WDR33: variants seen among roughly 807,000 people sequenced by gnomAD.
WDR33 encodes pre-mRNA 3' end processing protein WDR33.
In WDR33, 47 loss-of-function variants were observed where a neutral mutation model predicts 164.9. That is an observed-to-expected ratio of 0.29 (90% CI 0.23 to 0.36). The LOEUF (loss-of-function observed/expected upper bound fraction) is 0.36, where lower values mean the gene tolerates loss of function less well. Ranked by LOEUF, WDR33 falls within the 10% of genes least tolerant of loss-of-function variation. The pLI is 1.00. For missense variants in WDR33, 1,137 were observed against 1,754.1 expected, an observed-to-expected ratio of 0.65 and a Z score of 6.28; for synonymous variants, 505 against 589.0, an observed-to-expected ratio of 0.86 and a Z score of 2.06.
intron 1 of WDR33, among the ~76,000 whole-genome samples, chr2:127,798,259 CA>C (rs759154897): frequency 8.2e-5 from 12 of 147,170 alleles, no homozygotes; most frequent in South Asian, 4.3e-4. Flanking sequence ...TCCCAGCTAC[CA>C]GGGGGGCTGA....
intron 1 of WDR33, among the ~76,000 whole-genome samples, chr2:127,788,493 C>T (rs1688698752): frequency 7.5e-6 from 1 of 132,884 alleles, no homozygotes; most frequent in East Asian, 2.4e-4. Flanking sequence ...CACCTCCCTC[C>T]CGGACGGGGC....
chr2:127,752,701 C>T (rs532705144), intron 7 of WDR33, among the ~76,000 whole-genome samples: 1 of 151,880 alleles, frequency 6.6e-6, no homozygotes, highest in South Asian at 2.1e-4. Context: ...AACAGCATTC[C>T]TGGTTGATAT....
intron 7 of WDR33, among the ~76,000 whole-genome samples, chr2:127,733,406 T>C (rs1430182999): frequency 6.6e-6 from 1 of 152,194 alleles, no homozygotes; most frequent in South Asian, 2.1e-4. Context: ...CAGTACGACT[T>C]GGACTTGGAG....
rs371228167 is a variant in WDR33, at chr2:127,788,503, C to G, written c.-23-17499G>C. Among the ~76,000 whole-genome samples, 10 of 120,928 alleles carry G rather than the reference C, an allele frequency of 8.3e-5. No individual in the cohort carries two copies. The East Asian group carries it at 1.7e-3, about 20-fold the overall frequency. The allele number at this position is 120,928 out of a possible 152,430, so 79.3% of individuals were successfully genotyped here. On this transcript the variant is annotated intron_variant, in intron 1 of 21. Coordinates refer to ENST00000322313, the MANE Select transcript of WDR33 (RefSeq NM_018383.5). ...ACCCCCACCTCCCTCCCGGACGGGGCGGCTGGCCGGGTGGGGGGGCTGACC... is the reference window on the plus strand; with the variant it reads ...ACCCCCACCTCCCTCCCGGACGGGGGGGCTGGCCGGGTGGGGGGGCTGACC...
chr2:127,771,086 A>C, intron 1 of WDR33, 82 bp from the exon 2 acceptor site: 1 of 1,069,290 alleles, frequency 9.4e-7, no homozygotes, highest in East Asian at 2.5e-5. Context: ...AACACTTTTT[A>C]CATTTCTTTT....
chr2:127,737,719 G>T, intron 7 of WDR33: 1 of 1,145,780 alleles, frequency 8.7e-7, no homozygotes, highest in Non-Finnish European at 1.1e-6. Context: ...TGTTTCAAAT[G>T]ATTCTTCTGG....
intron 1 of WDR33, among the ~76,000 whole-genome samples, chr2:127,806,363 ACAC>A (rs1225545091): frequency 6.6e-6 from 1 of 151,864 alleles, no homozygotes; most frequent in Non-Finnish European, 1.5e-5. Flanking sequence ...ATGCGCAACC[ACAC>A]CCGGCTAATT....
At chr2:127,783,945 A>C (rs573087334) in intron 1 of WDR33, among the ~76,000 whole-genome samples, 146 of 151,808 alleles carry the variant, frequency 9.6e-4, no homozygotes, top group African/African-American at 2.8e-3. Context: ...GATTCCCCAA[A>C]ATTTTTGTTT....
intron 7 of WDR33, chr2:127,762,564 C>A: frequency 5.3e-5 from 52 of 981,286 alleles, no homozygotes; most frequent in Non-Finnish European, 5.9e-5. Flanking sequence ...GCAATGCCAC[C>A]CGAACTTAGT....
Position 127,722,548 on chromosome 2 carries a change from C to G in WDR33, c.1518+43G>C. 1.9e-6 allele frequency: 3 copies of G among 1,596,870 alleles called. No individual in the cohort carries two copies. The highest frequency in any genetic ancestry group is 2.6e-6 in the Non-Finnish European group (3 of 1,173,120). ...CAAGAGAAACCTCAAACTAACCAAC[C>G]AAAACCTCTCTGCGTGGATGAGGTG... is the stretch of plus-strand genomic sequence containing the variant. On this transcript the variant is annotated intron_variant, in intron 14 of 21. Transcript: ENST00000322313. The surrounding 1 kb of genome is among the most constrained non-coding windows in gnomAD (Gnocchi z 5.1).
chr2:127,760,120 T>C (rs1687634262), intron 7 of WDR33, among the ~76,000 whole-genome samples: 1 of 152,210 alleles, frequency 6.6e-6, no homozygotes, highest in Non-Finnish European at 1.5e-5. Context: ...TAGAGCTATT[T>C]AAGGAATTCA....
chr2:127,776,432 G>T (rs369788566), intron 1 of WDR33, among the ~76,000 whole-genome samples: 2 of 152,206 alleles, frequency 1.3e-5, no homozygotes, highest in Admixed American at 6.5e-5. Flanking sequence ...TTCAACAGAG[G>T]TTGACAGAAA....
intron 21 of WDR33, among the ~76,000 whole-genome samples, chr2:127,707,886 C>T (rs1030067033): frequency 2.0e-5 from 3 of 152,060 alleles, no homozygotes; most frequent in African/African-American, 7.2e-5. Context: ...ACCTGGGAGG[C>T]GGGGGTTGCT....
chr2:127,735,544 GCAAA>G lies in WDR33; in HGVS notation c.725-8771_725-8768del, dbSNP rs1300354904. On this transcript the variant is annotated intron_variant, in intron 7 of 21. Coordinates refer to ENST00000322313, the MANE Select transcript of WDR33 (RefSeq NM_018383.5). The surrounding 1 kb of genome is among the most constrained non-coding windows in gnomAD (Gnocchi z 4.3). ...ATTTTCTAATACAGGAAGAAAAAAG[GCAAA>G]CAAAGAATTCAAGTACCATCTTGTA... 6 of 985,466 alleles carry G rather than the reference GCAAA, an allele frequency of 6.1e-6. No homozygotes were observed. In the African/African-American group the frequency reaches 1.0e-4, roughly 17 times the overall value. 61.0% of individuals were successfully genotyped at this position (985,466 alleles called of 1,614,324 possible).
rs771751750 is a variant in WDR33 at position 127,706,284 on chromosome 2, T to C, written c.*39A>G. The C allele has an allele frequency of 2.7e-6, 4 of 1,483,106 alleles. No homozygotes were observed. Among genetic ancestry groups the C allele is most frequent in the East Asian group, 4.8e-5 (2 of 41,428 alleles). The allele number at this position is 1,483,106 out of a possible 1,614,324, so 91.9% of individuals were successfully genotyped here. ...GGTGAGTCCACAAGAAGTTCTTACA[T>C]ACTGTCCAGAGAGGCCTCAGGGTAC... On this transcript the variant is annotated 3_prime_UTR_variant, in exon 22 of 22. Coordinates refer to ENST00000322313, the MANE Select transcript of WDR33 (RefSeq NM_018383.5). This position sits in a 1 kb window ranked among gnomAD's most constrained non-coding sequence, Gnocchi z 5.1.
Position 127,705,954 on chromosome 2 carries a change from AC to A in WDR33, c.*368del, listed in dbSNP as rs768532325. 213 of 212,572 alleles carry A rather than the reference AC, an allele frequency of 1.0e-3. 2 individuals carry two copies. The highest frequency in any genetic ancestry group is 3.6e-4 in the Non-Finnish European group (39 of 108,540). 13.2% of individuals were successfully genotyped at this position (212,572 alleles called of 1,614,324 possible). ...TGCGTAAATCACATTCTGTATTCAT[AC>A]AAAAACTTTGTTTTTCTCTGACAAA... On this transcript the variant is annotated 3_prime_UTR_variant, in exon 22 of 22. Coordinates refer to ENST00000322313, the MANE Select transcript of WDR33 (RefSeq NM_018383.5). This position sits in a 1 kb window ranked among gnomAD's most constrained non-coding sequence, Gnocchi z 4.5.
At position 127,725,756 on chromosome 2, in the gene WDR33, T is replaced by C. The variant is rs999710153; in HGVS notation, c.852-541A>G. Among the ~76,000 whole-genome samples the C allele has an allele frequency of 7.4e-4, 110 of 148,102 alleles. 1 individual carries two copies. The highest frequency in any genetic ancestry group is 2.6e-3 in the African/African-American group (105 of 40,688). ...CTCAAAATAATAATAATAATAATAA[T>C]AATAATAATAATAATAATAATAATA... On this transcript the variant is annotated intron_variant, in intron 8 of 21. Transcript: ENST00000322313.
At chr2:127,759,462 G>C (rs1687615159) in intron 7 of WDR33, among the ~76,000 whole-genome samples, 1 of 151,650 alleles carries the variant, frequency 6.6e-6, no homozygotes, top group African/African-American at 2.4e-5. Flanking sequence ...AGGCCGAGGA[G>C]CATGGATCAC....
chr2:127,750,187 G>A (rs1276622980), intron 7 of WDR33, among the ~76,000 whole-genome samples: 1 of 152,004 alleles, frequency 6.6e-6, no homozygotes, highest in Non-Finnish European at 1.5e-5. Flanking sequence ...ACCACACCCA[G>A]TTAACTTTTT....
Sources: allele counts gnomAD v4.1 joint callset (sites outside exome capture counted in the v4.1 genomes callset), GRCh38; gene constraint gnomAD v4.1.1; non-coding constraint Gnocchi (gnomAD v3.1); transcripts MANE v1.5; gene names NCBI Gene and HGNC (gene_info 2026-07-23, HGNC 2026-07-21).